Variants in CLIC5 observed in about 807,000 individuals in gnomAD.
CLIC5 encodes chloride intracellular channel protein 5.
In CLIC5, 20 loss-of-function variants were observed where a neutral mutation model predicts 24.7. The ratio of observed to expected loss-of-function variants is 0.81; its 90% confidence interval spans 0.57 to 1.18. CLIC5 has a LOEUF of 1.18. Ranked by LOEUF, CLIC5 falls within the 50% of genes most tolerant of loss-of-function variation. The probability of loss-of-function intolerance (pLI) is 0.00; values close to 1 mark genes in which losing one functional copy is unlikely to be tolerated. For synonymous variants in CLIC5, 159 were observed against 135.6 expected (o/e 1.17, Z -1.20); for missense variants, 341 against 326.1 (o/e 1.05, Z -0.35).
At chr6:45,915,050 C>T (rs1462271759) in intron 4 of CLIC5, among the ~76,000 whole-genome samples, 1 of 151,506 alleles carries the variant, frequency 6.6e-6, no homozygotes, top group African/African-American at 2.4e-5. Flanking sequence ...CTGCCTCAGC[C>T]TCTCGAGTAG....
At chr6:45,974,209 G>T (rs1765300795) in intron 1 of CLIC5, among the ~76,000 whole-genome samples, 1 of 151,734 alleles carries the variant, frequency 6.6e-6, no homozygotes, top group South Asian at 2.1e-4. Flanking sequence ...GAAATCCTGG[G>T]TTTCTGTCCT....
rs1026500018 is a variant in CLIC5, at chr6:45,968,619, T to C, written c.64-13375A>G. On this transcript the variant is annotated intron_variant, in intron 1 of 5. Coordinates refer to ENST00000339561, the MANE Select transcript of CLIC5 (RefSeq NM_016929.5). Reference sequence around the variant, plus strand: ...GCCTTAATTTCCATTTAAAATTTTCTATTTAAAATTACTTCAAGGCTGGTT... The same window carrying C: ...GCCTTAATTTCCATTTAAAATTTTCCATTTAAAATTACTTCAAGGCTGGTT... Among the ~76,000 whole-genome samples the C allele has an allele frequency of 2.0e-5, 3 of 152,242 alleles. No homozygotes were observed. The East Asian group carries it at 5.8e-4, about 29-fold the overall frequency.
rs774310865 is a variant in CLIC5, at chr6:45,899,898, C to T, written c.*3190G>A. ...CAAATAAGCTGATGGACTCTGTTTC[C>T]GACATTTCAGCTCATTTGCTTAGTG... On this transcript the variant is annotated 3_prime_UTR_variant, in exon 6 of 6. Transcript: ENST00000339561. The T allele has an allele frequency of 7.2e-5, 11 of 152,220 alleles. No individual in the cohort carries two copies. The highest frequency in any genetic ancestry group is 1.3e-4 in the Non-Finnish European group (9 of 68,004). 9.4% of individuals were successfully genotyped at this position (152,220 alleles called of 1,614,324 possible). A position where few individuals can be genotyped will look rare whatever the true frequency, so the allele number is the denominator to read the frequency against.
chr6:46,003,972 C>T (rs1766450727), intron 1 of CLIC5, among the ~76,000 whole-genome samples: 1 of 152,180 alleles, frequency 6.6e-6, no homozygotes, highest in African/African-American at 2.4e-5. Context: ...TAACTATCTT[C>T]CTTCCTCAAA....
chr6:45,989,635 G>A (rs1252185836), intron 1 of CLIC5, among the ~76,000 whole-genome samples: 2 of 152,170 alleles, frequency 1.3e-5, no homozygotes, highest in African/African-American at 4.8e-5. Flanking sequence ...GCTCTTTATA[G>A]CAATCTCTGC....
chr6:46,011,564 A>T (rs1388908908), intron 1 of CLIC5, among the ~76,000 whole-genome samples: 1 of 152,198 alleles, frequency 6.6e-6, no homozygotes, highest in African/African-American at 2.4e-5. Context: ...GCTGAGAACC[A>T]CTGGTTTCTG....
intron 1 of CLIC5, among the ~76,000 whole-genome samples, chr6:46,058,863 C>A (rs1934799619): frequency 6.6e-6 from 1 of 152,214 alleles, no homozygotes; most frequent in Non-Finnish European, 1.5e-5. Flanking sequence ...AGGAGCCACA[C>A]TCAGCAGCAG....
the CLIC5 span, among the ~76,000 whole-genome samples, chr6:46,119,537 C>T: frequency 1.3e-5 from 2 of 152,218 alleles, no homozygotes; most frequent in Non-Finnish European, 2.9e-5. Flanking sequence ...TTCTGCATTT[C>T]CAACTGAGGT....
intron 1 of CLIC5, among the ~76,000 whole-genome samples, chr6:46,043,651 C>A (rs946868167): frequency 8.5e-5 from 13 of 152,166 alleles, no homozygotes; most frequent in Admixed American, 7.9e-4. Context: ...GGAGCCACTT[C>A]AGAGTACAGT....
At chr6:45,975,302 G>T (rs150021982) in intron 1 of CLIC5, among the ~76,000 whole-genome samples, 104 of 152,282 alleles carry the variant, frequency 6.8e-4, no homozygotes, top group Middle Eastern at 6.8e-3. Flanking sequence ...AGATACAGGA[G>T]AATGGCAAAT....
At chr6:46,024,281 A>T (rs371590729) in intron 1 of CLIC5, among the ~76,000 whole-genome samples, 1 of 152,130 alleles carries the variant, frequency 6.6e-6, no homozygotes, top group African/African-American at 2.4e-5. Context: ...GGTTGAAGTA[A>T]AGCCTTAAGG....
At chr6:45,972,187 A>G (rs1158424742) in intron 1 of CLIC5, among the ~76,000 whole-genome samples, 1 of 152,212 alleles carries the variant, frequency 6.6e-6, no homozygotes, top group Non-Finnish European at 1.5e-5. Flanking sequence ...TTTCAGCAAG[A>G]TGTGTTTTCT....
At chr6:46,059,729 C>T (rs1388631550) in intron 1 of CLIC5, among the ~76,000 whole-genome samples, 1 of 152,220 alleles carries the variant, frequency 6.6e-6, no homozygotes, top group East Asian at 1.9e-4. Flanking sequence ...CAAGTAGCCA[C>T]TGAGACTAAA....
At chr6:46,044,195 G>A (rs1021324650) in intron 1 of CLIC5, among the ~76,000 whole-genome samples, 2 of 152,196 alleles carry the variant, frequency 1.3e-5, no homozygotes, top group African/African-American at 4.8e-5. Flanking sequence ...ATCTGTTGTG[G>A]CTTGAAGTTT....
intron 1 of CLIC5, among the ~76,000 whole-genome samples, chr6:45,956,368 G>A (rs1764642208): frequency 6.6e-6 from 1 of 152,156 alleles, no homozygotes; most frequent in Non-Finnish European, 1.5e-5. Flanking sequence ...TGGCCTGGCA[G>A]GGCATTCCAC....
intron 4 of CLIC5, among the ~76,000 whole-genome samples, chr6:45,935,670 C>T (rs77504580): frequency 0.021 from 3,193 of 152,266 alleles, 120 homozygotes; most frequent in African/African-American, 0.073. Context: ...CGCAGGACCA[C>T]GAGCACTCTT....
In CLIC5 at chr6:45,899,249, C is replaced by T. The variant is rs115050913; in HGVS notation, c.*3839G>A. 1.3e-5 allele frequency: 2 copies of T among 152,292 alleles called. No individual in the cohort carries two copies. The highest frequency in any genetic ancestry group is 2.4e-5 in the African/African-American group (1 of 41,566). 9.4% of individuals were successfully genotyped at this position (152,292 alleles called of 1,614,324 possible). ...GGGTGCTTCACATGCACATGTCTTT[C>T]TCTGATGCTTTCTTAAGATTCTCCT... On this transcript the variant is annotated 3_prime_UTR_variant, in exon 6 of 6. Transcript: ENST00000339561.
rs180804785 is a variant in CLIC5 at position 46,080,107 on chromosome 6, A to T, written c.136T>A (p.Leu46Ile). 4.3e-4 allele frequency: 673 copies of T among 1,551,702 alleles called. 1 individual carries two copies. Among genetic ancestry groups the T allele is most frequent in the Non-Finnish European group, 5.3e-4 (610 of 1,146,990 alleles). The change falls in exon 1 of 6, where the codon TTA becomes ATA. Residue 46 changes from leucine (L) to isoleucine (I), a missense_variant. Transcript: ENST00000185206. ...TGGGTATTCAGCTGAGTGGCATATA[A>T]ATCATTTTCTGGCCTTAAGTACTCA...
At chr6:45,912,606 T>C in intron 5 of CLIC5, 11 of 1,461,998 alleles carry the variant, frequency 7.5e-6, no homozygotes, top group Non-Finnish European at 9.2e-6. Flanking sequence ...GATTAAATGA[T>C]GTGCCTCAGC....
Sources: gnomAD v4.1 joint callset for allele counts (sites outside exome capture counted in the v4.1 genomes callset) on GRCh38, gnomAD v4.1.1 for gene constraint, MANE v1.5 for transcripts, NCBI Gene and HGNC (gene_info 2026-07-23, HGNC 2026-07-21) for gene names.